Variants in STPG2 observed in about 807,000 individuals in gnomAD.
The protein encoded by STPG2 is sperm tail PG-rich repeat containing 2.
A neutral mutation model predicts 54.2 loss-of-function variants in STPG2; 56 were observed. The observed-to-expected ratio is 1.03, with a 90% CI of 0.83 to 1.29. The LOEUF (loss-of-function observed/expected upper bound fraction) is 1.29. Ranked by LOEUF, STPG2 falls within the 50% of genes most tolerant of loss-of-function variation. The pLI is 0.00. For missense variants in STPG2, 596 were observed against 544.9 expected (o/e 1.09, Z -0.93); for synonymous variants, 200 against 181.8 (o/e 1.10, Z -0.81).
At chr4:97,817,235 G>A (rs1727946035) in intron 9 of STPG2, among the ~76,000 whole-genome samples, 2 of 149,640 alleles carry the variant, frequency 1.3e-5, no homozygotes, top group South Asian at 4.2e-4. Context: ...TTCAATTAGT[G>A]TGTATATATA....
chr4:98,003,231 A>G (rs540003814), intron 5 of STPG2, among the ~76,000 whole-genome samples: 2 of 152,174 alleles, frequency 1.3e-5, no homozygotes, highest in South Asian at 4.1e-4. Context: ...AAGTTGTAAT[A>G]TTTTACAGGC....
At chr4:97,452,083 C>A (rs1162478413) in intron 4 of STPG2, among the ~76,000 whole-genome samples, 4 of 147,842 alleles carry the variant, frequency 2.7e-5, no homozygotes, top group Non-Finnish European at 6.0e-5. Flanking sequence ...CAGAGCCAGT[C>A]CTCCTGCTCC....
intron 10 of STPG2, among the ~76,000 whole-genome samples, chr4:97,695,906 T>C (rs1723555549): frequency 6.6e-6 from 1 of 151,998 alleles, no homozygotes; most frequent in African/African-American, 2.4e-5. Context: ...AGAACCAACA[T>C]TGTGAAAATG....
At chr4:97,472,187 C>G (rs11940087) in intron 4 of STPG2, among the ~76,000 whole-genome samples, 18,935 of 152,190 alleles carry the variant, frequency 0.12, 3,544 homozygotes, top group African/African-American at 0.41. Flanking sequence ...AACAGAGAAC[C>G]ACAACTTAGT....
intron 5 of STPG2, among the ~76,000 whole-genome samples, chr4:98,087,916 TC>T (rs1229705116): frequency 5.3e-5 from 8 of 152,154 alleles, no homozygotes; most frequent in Admixed American, 4.6e-4. Context: ...TAAGCCCTAA[TC>T]CCTGACTCCA....
chr4:97,747,402 G>A (rs994384178), intron 9 of STPG2, among the ~76,000 whole-genome samples: 1 of 151,236 alleles, frequency 6.6e-6, no homozygotes, highest in Admixed American at 6.6e-5. Context: ...TACTCTCAAC[G>A]ACTACACTCA....
At chr4:97,983,766 T>A (rs1734748484) in intron 5 of STPG2, among the ~76,000 whole-genome samples, 1 of 152,204 alleles carries the variant, frequency 6.6e-6, no homozygotes, top group Admixed American at 6.5e-5. Context: ...TGCTTCTTAG[T>A]TCATTTAGCA....
intron 5 of STPG2, among the ~76,000 whole-genome samples, chr4:98,066,754 G>C (rs1278235322): frequency 1.3e-5 from 2 of 152,086 alleles, no homozygotes; most frequent in African/African-American, 2.4e-5. Context: ...GAGTCAAAAA[G>C]ATGTAATATC....
In STPG2 at chr4:97,782,031, T is replaced by G. The variant is rs546853177; in HGVS notation, c.1204+58742A>C. ...CCTTTGAAAACTGGCACAAGACAGG[T>G]TGCCCTCTCTCACCACTCCTATTCA... On this transcript the variant is annotated intron_variant, in intron 9 of 10. Coordinates refer to ENST00000295268, the MANE Select transcript of STPG2 (RefSeq NM_174952.3). Among the ~76,000 whole-genome samples the G allele has an allele frequency of 5.3e-5, 8 of 152,140 alleles. No homozygotes were observed. In the South Asian group the frequency reaches 1.7e-3, roughly 32 times the overall value.
At chr4:98,062,130 G>T (rs1053648061) in intron 5 of STPG2, among the ~76,000 whole-genome samples, 1 of 152,182 alleles carries the variant, frequency 6.6e-6, no homozygotes, top group Non-Finnish European at 1.5e-5. Flanking sequence ...AAAAGAACAA[G>T]ATCATGTCTT....
In STPG2 at chr4:98,057,370, A is replaced by G. The variant is rs141679208; in HGVS notation, c.612+48583T>C. ...CAGTATAGAGAAGAACATAGCCAAC[A>G]TGATAGAGCTGAAAAACACACTACA... On this transcript the variant is annotated intron_variant, in intron 5 of 10. Transcript: ENST00000295268. Among the ~76,000 whole-genome samples, 1,371 of 152,334 alleles carry G rather than the reference A, an allele frequency of 9.0e-3. 7 individuals are homozygous for G. The highest frequency in any genetic ancestry group is 0.014 in the Non-Finnish European group (933 of 68,028).
At chr4:97,806,976 T>C (rs1466905222) in intron 9 of STPG2, among the ~76,000 whole-genome samples, 6 of 152,106 alleles carry the variant, frequency 3.9e-5, no homozygotes, top group Non-Finnish European at 8.8e-5. Flanking sequence ...GAAGCAAGCA[T>C]GGCAGTAGAA....
chr4:97,747,608 A>G (rs545090517), intron 9 of STPG2, among the ~76,000 whole-genome samples: 4 of 151,326 alleles, frequency 2.6e-5, no homozygotes, highest in African/African-American at 9.7e-5. Flanking sequence ...GATCAGTTTC[A>G]TATTTGTACA....
rs1736818165 is a variant in STPG2 at position 98,037,645 on chromosome 4, G to C, written c.613-56327C>G. Among the ~76,000 whole-genome samples the C allele has an allele frequency of 4.0e-5, 6 of 151,740 alleles. 1 individual carries two copies. Among genetic ancestry groups the C allele is most frequent in the Admixed American group, 3.9e-4 (6 of 15,194 alleles). On this transcript the variant is annotated intron_variant, in intron 5 of 10. Transcript: ENST00000295268. ...GAGTAAGGGAGTGAGAAAGCAAAGA[G>C]GAAGACAATTCAAGGAAAACACAAA...
intron 8 of STPG2, among the ~76,000 whole-genome samples, chr4:97,906,327 A>C (rs1216111932): frequency 1.3e-5 from 2 of 152,242 alleles, no homozygotes; most frequent in African/African-American, 2.4e-5. Context: ...AAGAAGTTGA[A>C]TCTCTGAATA....
At chr4:97,732,075 C>T (rs1724814326) in intron 9 of STPG2, among the ~76,000 whole-genome samples, 1 of 151,904 alleles carries the variant, frequency 6.6e-6, no homozygotes, top group African/African-American at 2.4e-5. Flanking sequence ...ATAGGAAAGA[C>T]AGCCCTGCTC....
intron 9 of STPG2, among the ~76,000 whole-genome samples, chr4:97,813,718 T>C (rs920843833): frequency 1.5e-5 from 2 of 136,790 alleles, no homozygotes; most frequent in Admixed American, 7.2e-5. Context: ...AAAAGCATGT[T>C]TTATAAATAA....
chr4:97,454,532 A>T (rs1223101377), intron 4 of STPG2, among the ~76,000 whole-genome samples: 1 of 114,804 alleles, frequency 8.7e-6, no homozygotes, highest in Non-Finnish European at 1.5e-5. Flanking sequence ...AAAAAAAAAA[A>T]AAAAAAAAAA....
intron 5 of STPG2, among the ~76,000 whole-genome samples, chr4:97,991,702 A>G (rs148205874): frequency 6.6e-6 from 1 of 151,986 alleles, no homozygotes; most frequent in Non-Finnish European, 1.5e-5. Context: ...AGTGGTTTTA[A>G]TAGTTTATAT....
Sources: gnomAD v4.1 joint callset for allele counts (sites outside exome capture counted in the v4.1 genomes callset) on GRCh38, gnomAD v4.1.1 for gene constraint, MANE v1.5 for transcripts, NCBI Gene and HGNC (gene_info 2026-07-23, HGNC 2026-07-21) for gene names.